The following CPNE5 variants were observed in gnomAD, a reference collection of about 807,000 sequenced individuals.
The protein encoded by CPNE5 is copine 5, also known as copine-5.
Under a neutral mutation model 81.1 loss-of-function variants are expected in CPNE5, and 42 were observed. The ratio of observed to expected loss-of-function variants is 0.52; its 90% confidence interval spans 0.40 to 0.67. CPNE5 has a LOEUF of 0.67. CPNE5 is among the 30% of genes least tolerant of loss of function. CPNE5 has a pLI of 0.00. For missense variants in CPNE5, 612 were observed against 815.5 expected (o/e 0.75, Z 3.04); for synonymous variants, 313 against 321.5 (o/e 0.97, Z 0.28).
intron 4 of CPNE5, among the ~76,000 whole-genome samples, chr6:36,799,591 C>T (rs1389391672): frequency 6.6e-6 from 1 of 152,180 alleles, no homozygotes; most frequent in Non-Finnish European, 1.5e-5. Context: ...TCCCAGAACA[C>T]GCTTAGATGG....
At chr6:36,768,037 G>A (rs1362378412) in intron 10 of CPNE5, among the ~76,000 whole-genome samples, 1 of 152,092 alleles carries the variant, frequency 6.6e-6, no homozygotes, top group Non-Finnish European at 1.5e-5. Flanking sequence ...CACTGAATGA[G>A]ATTCCTGTGC....
intron 1 of CPNE5, among the ~76,000 whole-genome samples, chr6:36,826,349 C>T (rs1425785174): frequency 6.6e-6 from 1 of 152,150 alleles, no homozygotes; most frequent in Non-Finnish European, 1.5e-5. Context: ...CAAGGGTCAC[C>T]CTGGCAACCA....
intron 1 of CPNE5, among the ~76,000 whole-genome samples, chr6:36,832,487 G>A (rs1013618639): frequency 6.6e-6 from 1 of 152,182 alleles, no homozygotes; most frequent in African/African-American, 2.4e-5. Context: ...TTCAGAGAGA[G>A]GACTCTGGCC....
intron 9 of CPNE5, 130 bp downstream of exon 9, chr6:36,778,724 C>T: frequency 1.5e-6 from 1 of 684,786 alleles, no homozygotes; most frequent in Non-Finnish European, 2.6e-6. Context: ...CCACCCAGAG[C>T]CCTTGCCCTC....
intron 1 of CPNE5, chr6:36,827,739 G>A (rs372669534): frequency 2.2e-4 from 219 of 985,442 alleles, no homozygotes; most frequent in Middle Eastern, 2.1e-3. Flanking sequence ...GCCTGGGGGA[G>A]GAAACCGGGT....
intron 1 of CPNE5, chr6:36,827,604 C>A (rs929950460): frequency 5.1e-6 from 5 of 985,316 alleles, no homozygotes; most frequent in Non-Finnish European, 6.0e-6. Flanking sequence ...CCACAACACA[C>A]ACACGTGTAG....
chr6:36,822,342 C>T (rs972628776), intron 2 of CPNE5, among the ~76,000 whole-genome samples, 182 bp from the exon 3 acceptor site: 1 of 151,388 alleles, frequency 6.6e-6, no homozygotes, highest in Non-Finnish European at 1.5e-5. Context: ...GTGAGTCTGG[C>T]CCCCCAAGCC....
chr6:36,839,466 A>T, upstream of CPNE5: 1 of 1,070,178 alleles, frequency 9.3e-7, no homozygotes, highest in Non-Finnish European at 1.3e-6. The surrounding 1 kb of genome is among the most constrained non-coding windows in gnomAD (Gnocchi z 7.3). Context: ...CTCTCCCCCA[A>T]CTCCAGAGCC....
chr6:36,792,042 G>A lies in CPNE5; in HGVS notation c.519C>T (p.Ser173=), dbSNP rs1330656699. The change falls in exon 8 of 21, where the codon AGC becomes AGT. Residue 173 remains serine (S), a synonymous_variant. Coordinates refer to ENST00000244751, the MANE Select transcript of CPNE5 (RefSeq NM_020939.2). The part of the protein sequence containing the change: ...GTIILSAEEL[S]NCRDVATMQF... ...GTCCTCTGCCACTCACCCTACAGTT[G>A]CTGAGCTCCTCAGCGGACAGGATGA... 6.2e-7 allele frequency: 1 copy of A among 1,613,812 alleles called. No homozygotes were observed. Among genetic ancestry groups the A allele is most frequent in the South Asian group, 1.1e-5 (1 of 91,088 alleles).
intron 12 of CPNE5, among the ~76,000 whole-genome samples, chr6:36,761,400 T>C (rs1211985867): frequency 6.6e-6 from 1 of 152,116 alleles, no homozygotes; most frequent in Non-Finnish European, 1.5e-5. Flanking sequence ...CCCTGGCCAG[T>C]GAGGGGAGGC....
intron 12 of CPNE5, 54 bp from the exon 13 acceptor site, chr6:36,756,352 G>A (rs2150394286): frequency 1.3e-6 from 2 of 1,511,036 alleles, no homozygotes; most frequent in East Asian, 4.5e-5. Flanking sequence ...GTCAGGGTGA[G>A]TCTTGAGGGC....
intron 10 of CPNE5, among the ~76,000 whole-genome samples, chr6:36,772,825 T>A (rs1329356568): frequency 1.3e-5 from 2 of 152,112 alleles, no homozygotes; most frequent in African/African-American, 4.8e-5. Context: ...TGGTTTTGTT[T>A]GTTTGTTTTC....
At chr6:36,835,124 G>A (rs776093977) in intron 1 of CPNE5, among the ~76,000 whole-genome samples, 10 of 152,222 alleles carry the variant, frequency 6.6e-5, no homozygotes, top group South Asian at 4.1e-4. Flanking sequence ...TCGCCCCGCC[G>A]CGTCTTCCCT....
rs115917261 is a variant in CPNE5 at position 36,787,310 on chromosome 6, G to A, written c.528+4723C>T. 2.2e-3 allele frequency among the ~76,000 whole-genome samples: 338 copies of A among 152,032 alleles called. 1 individual carries two copies. The highest frequency in any genetic ancestry group is 7.6e-3 in the African/African-American group (313 of 41,422). ...AGGCTGCTAAGTTCCCCAGCTATGA[G>A]GTCCCACACAATCTGGCCCCAACTC... is the stretch of plus-strand genomic sequence containing the variant. On this transcript the variant is annotated intron_variant, in intron 8 of 20. Transcript: ENST00000244751.
chr6:36,746,441 C>A lies in CPNE5; in HGVS notation c.1155G>T (p.Gly385=). ...CTCTGCCATCCGGGGGCAGCTTGGC[C>A]CCGAAGCCCAGGGCAGGGAACATCT... is the stretch of plus-strand genomic sequence containing the variant. ...SDKMFPALGF[G]AKLPPDGRVS... Residue 385 remains glycine (G), a synonymous_variant, in exon 16 of 21, where the codon GGG becomes GGT. Coordinates refer to ENST00000244751, the MANE Select transcript of CPNE5 (RefSeq NM_020939.2). This position sits in a 1 kb window ranked among gnomAD's most constrained non-coding sequence, Gnocchi z 4.5. The A allele has an allele frequency of 6.2e-7, 1 of 1,613,294 alleles. No homozygotes were observed. Among genetic ancestry groups the A allele is most frequent in the Non-Finnish European group, 8.5e-7 (1 of 1,179,638 alleles).
At chr6:36,782,677 C>T in intron 8 of CPNE5, among the ~76,000 whole-genome samples, 1 of 151,972 alleles carries the variant, frequency 6.6e-6, no homozygotes, top group Non-Finnish European at 1.5e-5. Context: ...GCCTGTAATC[C>T]CAGCTACTTG....
intron 20 of CPNE5, 45 bp downstream of exon 20, chr6:36,743,644 G>A (rs1763780622): frequency 3.8e-6 from 6 of 1,576,272 alleles, no homozygotes; most frequent in South Asian, 3.3e-5. Context: ...CCTGGCTAGA[G>A]GGGCTCTTGA....
In CPNE5 at chr6:36,741,644, A is replaced by T. The variant is rs1763593666; in HGVS notation, c.*624T>A. The T allele has an allele frequency of 6.6e-6, 1 of 152,218 alleles. No individual in the cohort carries two copies. 9.4% of individuals were successfully genotyped at this position (152,218 alleles called of 1,614,324 possible). A position where few individuals can be genotyped will look rare whatever the true frequency, so the allele number is the denominator to read the frequency against. On this transcript the variant is annotated 3_prime_UTR_variant, in exon 21 of 21. Transcript: ENST00000244751. ...CGTACTGAGTTCGAGAGGCACCAGAAAGGGCTCTGTGCTGAGCAGCCTCCA... is the reference window on the plus strand; with the variant it reads ...CGTACTGAGTTCGAGAGGCACCAGATAGGGCTCTGTGCTGAGCAGCCTCCA...
chr6:36,771,128 T>C (rs1377048453), intron 10 of CPNE5, among the ~76,000 whole-genome samples: 1 of 152,194 alleles, frequency 6.6e-6, no homozygotes. Flanking sequence ...AGGACGTTAA[T>C]GCTTTGAGGA....
Sources: allele counts gnomAD v4.1 joint callset (sites outside exome capture counted in the v4.1 genomes callset), GRCh38; gene constraint gnomAD v4.1.1; non-coding constraint Gnocchi (gnomAD v3.1); transcripts MANE v1.5; gene names NCBI Gene and HGNC (gene_info 2026-07-23, HGNC 2026-07-21).